MDGA2: variants seen among roughly 807,000 people sequenced by gnomAD.
The protein encoded by MDGA2 is MAM domain-containing glycosylphosphatidylinositol anchor protein 2.
MDGA2 carries 40 observed loss-of-function variants against 117.8 expected under a neutral mutation model. The observed-to-expected ratio is 0.34, with a 90% CI of 0.26 to 0.44. The LOEUF (loss-of-function observed/expected upper bound fraction) is 0.44, where lower values mean the gene tolerates loss of function less well. MDGA2 is among the 20% of genes least tolerant of loss of function. The probability of loss-of-function intolerance (pLI) is 1.00; values close to 1 mark genes in which losing one functional copy is unlikely to be tolerated. For missense variants in MDGA2, 1,123 were observed against 1,250.6 expected (o/e 0.90, Z 1.54); for synonymous variants, 452 against 439.0 (o/e 1.03, Z -0.37).
intron 1 of MDGA2, among the ~76,000 whole-genome samples, chr14:47,550,320 T>C (rs969299050): frequency 1.3e-5 from 2 of 152,222 alleles, no homozygotes; most frequent in Non-Finnish European, 2.9e-5. Context: ...AGTGACTTCT[T>C]TGTGAATAAA....
At chr14:47,194,557 C>T (rs1407801283) in intron 3 of MDGA2, among the ~76,000 whole-genome samples, 1 of 151,988 alleles carries the variant, frequency 6.6e-6, no homozygotes, top group African/African-American at 2.4e-5. Flanking sequence ...GACCCTTGGG[C>T]CCTCTCTAGG....
chr14:47,198,132 T>G (rs1409002388), intron 3 of MDGA2, among the ~76,000 whole-genome samples: 7 of 152,214 alleles, frequency 4.6e-5, no homozygotes, highest in Non-Finnish European at 1.0e-4. Context: ...GCAATAAGTG[T>G]ATTGTCTTCA....
rs569321460 is a variant in MDGA2, at chr14:47,004,654, T to C, written c.1819+30357A>G. Among the ~76,000 whole-genome samples the C allele has an allele frequency of 3.3e-5, 5 of 151,894 alleles. No individual in the cohort carries two copies. In the East Asian group the frequency reaches 5.8e-4, roughly 18 times the overall value. On this transcript the variant is annotated intron_variant, in intron 8 of 16. Transcript: ENST00000399232. ...TTCAAATGAGCTTGTTTTGAAAATA[T>C]AGATTCAATTGAGGAGTATTAAAAA... is the stretch of plus-strand genomic sequence containing the variant.
intron 1 of MDGA2, among the ~76,000 whole-genome samples, chr14:47,421,189 G>A (rs148773291): frequency 1.3e-5 from 2 of 152,126 alleles, no homozygotes; most frequent in East Asian, 3.9e-4. Context: ...TCACTCTGGG[G>A]TCTCTACTTA....
At chr14:47,584,552 A>C (rs1340216593) in intron 1 of MDGA2, among the ~76,000 whole-genome samples, 1 of 151,768 alleles carries the variant, frequency 6.6e-6, no homozygotes, top group Non-Finnish European at 1.5e-5. Context: ...TCTCATACGC[A>C]TCCTTTCCAT....
intron 1 of MDGA2, among the ~76,000 whole-genome samples, chr14:47,483,054 A>C (rs970782720): frequency 3.3e-5 from 5 of 152,270 alleles, no homozygotes; most frequent in African/African-American, 1.2e-4. Context: ...ATTTTATGAC[A>C]TACTTTCAAG....
At chr14:47,173,820 G>T (rs1277145409) in intron 3 of MDGA2, among the ~76,000 whole-genome samples, 1 of 152,102 alleles carries the variant, frequency 6.6e-6, no homozygotes, top group Non-Finnish European at 1.5e-5. Flanking sequence ...AAATGTAAAT[G>T]GACTAAATGC....
chr14:47,628,294 G>A (rs749607640), intron 1 of MDGA2, among the ~76,000 whole-genome samples: 11 of 152,058 alleles, frequency 7.2e-5, no homozygotes, highest in Non-Finnish European at 1.5e-4. Flanking sequence ...GTAATTATGG[G>A]CCTATTTGCA....
intron 1 of MDGA2, among the ~76,000 whole-genome samples, chr14:47,588,555 T>A (rs1896376397): frequency 1.3e-5 from 2 of 151,858 alleles, no homozygotes; most frequent in Non-Finnish European, 2.9e-5. Context: ...TCAAATTCTT[T>A]GGCCATTTTT....
chr14:46,958,158 T>C (rs1485564687), intron 8 of MDGA2, among the ~76,000 whole-genome samples: 1 of 152,190 alleles, frequency 6.6e-6, no homozygotes, highest in African/African-American at 2.4e-5. Context: ...CTATGAGAGT[T>C]GACCAGGCAA....
At chr14:47,652,432 G>C (rs1414856333) in intron 1 of MDGA2, among the ~76,000 whole-genome samples, 1 of 152,098 alleles carries the variant, frequency 6.6e-6, no homozygotes, top group Non-Finnish European at 1.5e-5. Context: ...AGAAACACAT[G>C]AATGTTCTTA....
chr14:47,144,484 A>G (rs1882855488), intron 3 of MDGA2, among the ~76,000 whole-genome samples: 2 of 152,152 alleles, frequency 1.3e-5, no homozygotes, highest in African/African-American at 4.8e-5. Flanking sequence ...TTGTGGATAT[A>G]GTAAAATTAA....
rs1161854711 is a variant in MDGA2 at position 47,231,221 on chromosome 14, C to T, written c.421-13026G>A. 4.6e-5 allele frequency among the ~76,000 whole-genome samples: 7 copies of T among 152,020 alleles called. No homozygotes were observed. The East Asian group carries it at 9.6e-4, about 21-fold the overall frequency. ...GACTGTTTTTCTACTGAAAGTCACA[C>T]ATATTTATTAAAGACTTATTCGGCC... is the stretch of plus-strand genomic sequence containing the variant. On this transcript the variant is annotated intron_variant, in intron 2 of 16. Coordinates refer to ENST00000399232, the MANE Select transcript of MDGA2 (RefSeq NM_001113498.3).
intron 14 of MDGA2, among the ~76,000 whole-genome samples, chr14:46,867,399 G>T (rs1881814890): frequency 6.6e-6 from 1 of 152,012 alleles, no homozygotes; most frequent in South Asian, 2.1e-4. Context: ...TTGTGGGGTG[G>T]GGGGAGAGGG....
Position 47,038,803 on chromosome 14 carries a change from G to A in MDGA2, c.1526-3499C>T, listed in dbSNP as rs575597738. ...TACAAAAAAAAAAAATTAGTCGGGC[G>A]TGGCAGTGGGCGCCTGGAGTCCTAG... is the stretch of plus-strand genomic sequence containing the variant. On this transcript the variant is annotated intron_variant, in intron 7 of 16. Coordinates refer to ENST00000399232, the MANE Select transcript of MDGA2 (RefSeq NM_001113498.3). Among the ~76,000 whole-genome samples, 14 of 151,814 alleles carry A rather than the reference G, an allele frequency of 9.2e-5. No homozygotes were observed. In the East Asian group the frequency reaches 1.2e-3, roughly 13 times the overall value.
At chr14:46,870,251 T>C (rs1566500185) in intron 14 of MDGA2, among the ~76,000 whole-genome samples, 1 of 152,008 alleles carries the variant, frequency 6.6e-6, no homozygotes, top group Non-Finnish European at 1.5e-5. Context: ...CTCAATGGTA[T>C]ACTGTCCTTT....
Position 47,326,512 on chromosome 14 carries a change from T to C in MDGA2, c.281-24962A>G, listed in dbSNP as rs910571511. Among the ~76,000 whole-genome samples the C allele has an allele frequency of 2.0e-5, 3 of 152,230 alleles. No homozygotes were observed. In the East Asian group the frequency reaches 5.8e-4, roughly 29 times the overall value. On this transcript the variant is annotated intron_variant, in intron 1 of 16. Coordinates refer to ENST00000399232, the MANE Select transcript of MDGA2 (RefSeq NM_001113498.3). ...TTCCTCTCTAGTACAACTTTCCTCC[T>C]ACTGATCTAGTTAAAGTTACTTTCA...
At chr14:47,256,272 T>C (rs1353604780) in intron 2 of MDGA2, among the ~76,000 whole-genome samples, 1 of 152,062 alleles carries the variant, frequency 6.6e-6, no homozygotes, top group African/African-American at 2.4e-5. Flanking sequence ...AAAGGGGCTA[T>C]GATTACATCA....
At chr14:47,585,191 A>G (rs1477803676) in intron 1 of MDGA2, among the ~76,000 whole-genome samples, 1 of 151,944 alleles carries the variant, frequency 6.6e-6, no homozygotes, top group Non-Finnish European at 1.5e-5. Flanking sequence ...ATATTGAGTG[A>G]CTATTTGAAA....
Sources: gnomAD v4.1 joint callset for allele counts (sites outside exome capture counted in the v4.1 genomes callset) on GRCh38, gnomAD v4.1.1 for gene constraint, MANE v1.5 for transcripts, NCBI Gene and HGNC (gene_info 2026-07-23, HGNC 2026-07-21) for gene names.